The following TMEM114 variants were observed in gnomAD, a reference collection of about 807,000 sequenced individuals.
The protein encoded by TMEM114 is transmembrane protein 114.
Under a neutral mutation model 6.2 loss-of-function variants are expected in TMEM114, and 6 were observed. The observed-to-expected ratio is 0.97, with a 90% CI of 0.53 to 1.91. TMEM114 has a LOEUF of 1.91. Ranked by LOEUF, TMEM114 falls within the 40% of genes most tolerant of loss-of-function variation. The pLI is 0.01. For synonymous variants in TMEM114, 104 were observed against 73.0 expected (o/e 1.42, Z -2.16); for missense variants, 218 against 158.3 (o/e 1.38, Z -2.02).
chr16:8,565,638 A>G (rs976602030), downstream of TMEM114, among the ~76,000 whole-genome samples: 3 of 152,126 alleles, frequency 2.0e-5, no homozygotes, highest in Non-Finnish European at 4.4e-5. Flanking sequence ...TTCTCCTCTC[A>G]TCTGGCCCTG....
chr16:8,569,956 G>T lies in TMEM114; in HGVS notation c.489C>A (p.Ala163=). The change falls in exon 4 of 4, where the codon GCC becomes GCA. Residue 163 remains alanine (A), a synonymous_variant. Coordinates refer to ENST00000620492, the MANE Select transcript of TMEM114 (RefSeq NM_001146336.2). ...GISVYIAYSA[A]AFREALCLLE... ...AGAGACACAGCGCCTCCCGGAAGGC[G>T]GCGGCTGAATACGCTATGTAGACGC... The T allele has an allele frequency of 6.4e-7, 1 of 1,550,994 alleles. No individual in the cohort carries two copies. The highest frequency in any genetic ancestry group is 2.0e-5 in the Admixed American group (1 of 50,998).
chr16:8,561,119 T>A (rs1901185625), intron 2 of TMEM114, among the ~76,000 whole-genome samples: 1 of 152,156 alleles, frequency 6.6e-6, no homozygotes, highest in Non-Finnish European at 1.5e-5. Flanking sequence ...CCTCCTGGAA[T>A]TCTGGGAACT....
chr16:8,556,802 C>A (rs922571541), intron 2 of TMEM114, among the ~76,000 whole-genome samples: 3 of 152,142 alleles, frequency 2.0e-5, no homozygotes, highest in African/African-American at 7.2e-5. Context: ...CGCGCCTGAC[C>A]CGTGTGCACT....
intron 2 of TMEM114, among the ~76,000 whole-genome samples, chr16:8,543,532 C>G (rs1900577225): frequency 6.6e-6 from 1 of 151,960 alleles, no homozygotes; most frequent in Non-Finnish European, 1.5e-5. Context: ...GATGTTCTAT[C>G]TACTAGGACA....
chr16:8,561,063 G>C (rs895643940), intron 2 of TMEM114, among the ~76,000 whole-genome samples: 1 of 152,204 alleles, frequency 6.6e-6, no homozygotes, highest in South Asian at 2.1e-4. Flanking sequence ...CACGAGAACA[G>C]TATGGGGGAA....
chr16:8,589,779 A>C lies in TMEM114; in HGVS notation c.60T>G (p.Phe20Leu). ...TGCCGATGGCGGCCGCCAGGAGCAC[A>C]AAGCTGAGCGCCCCGGTCAGCGCAG... The part of the protein sequence containing the change: ...GAAALTGALS[F>L]VLLAAAIGTD... Residue 20 changes from phenylalanine to leucine, a missense_variant, in exon 1 of 4, where the codon TTT (phenylalanine) becomes TTG (leucine). Physicochemically the swap from Phe to Leu is conservative, Grantham distance 22. Transcript: ENST00000620492. The C allele has an allele frequency of 7.5e-6, 3 of 398,526 alleles. No homozygotes were observed. The highest frequency in any genetic ancestry group is 1.3e-5 in the Non-Finnish European group (3 of 226,066). The allele number at this position is 398,526 out of a possible 1,614,324, so 24.7% of individuals were successfully genotyped here. A position where few individuals can be genotyped will look rare whatever the true frequency, so the allele number is the denominator to read the frequency against.
intron 2 of TMEM114, among the ~76,000 whole-genome samples, chr16:8,541,297 CTCAGAGCATCATACAATTTG>C (rs2141649179): frequency 6.6e-6 from 1 of 152,254 alleles, no homozygotes; most frequent in East Asian, 1.9e-4. Context: ...CAGTCCTGGA[CTCAGAGCATCATACAATTTG>C]TCATACAAAT....
intron 2 of TMEM114, among the ~76,000 whole-genome samples, chr16:8,562,887 A>T (rs1435521290): frequency 2.7e-5 from 4 of 150,314 alleles, no homozygotes; most frequent in Non-Finnish European, 5.9e-5. Flanking sequence ...TGAGGGAGGG[A>T]GGGAATGAGT....
downstream of TMEM114, among the ~76,000 whole-genome samples, chr16:8,565,530 C>T (rs549293925): frequency 9.2e-5 from 14 of 152,256 alleles, no homozygotes; most frequent in African/African-American, 2.9e-4. Context: ...CCACTTCCTC[C>T]TCCTGTTTAC....
chr16:8,550,471 G>C (rs1478219930), intron 2 of TMEM114, among the ~76,000 whole-genome samples: 1 of 152,038 alleles, frequency 6.6e-6, no homozygotes, highest in African/African-American at 2.4e-5. Flanking sequence ...ATGAGGTCAG[G>C]AGTTTGAGAG....
At chr16:8,527,377 C>T in the TMEM114 span, among the ~76,000 whole-genome samples, 2 of 152,168 alleles carry the variant, frequency 1.3e-5, no homozygotes, top group East Asian at 3.8e-4. Context: ...CAAATCCTGC[C>T]TCTGCCTGTT....
At chr16:8,541,144 A>G (rs571601241) in intron 2 of TMEM114, among the ~76,000 whole-genome samples, 1 of 152,308 alleles carries the variant, frequency 6.6e-6, no homozygotes, top group African/African-American at 2.4e-5. Flanking sequence ...TATGCCAGGC[A>G]TATTATATCA....
chr16:8,561,234 T>G (rs1316778968), intron 2 of TMEM114, among the ~76,000 whole-genome samples: 1 of 152,236 alleles, frequency 6.6e-6, no homozygotes, highest in Non-Finnish European at 1.5e-5. Context: ...TTCCCTTGCC[T>G]ATAGCACAGT....
chr16:8,538,287 T>A (rs1284987370), intron 2 of TMEM114, among the ~76,000 whole-genome samples: 2 of 150,436 alleles, frequency 1.3e-5, no homozygotes, highest in East Asian at 3.9e-4. Flanking sequence ...AGATGATGTC[T>A]CAAAAATAAA....
Position 8,562,516 on chromosome 16 carries a change from A to ATGAGTGAATGAG in TMEM114, n.213-24691_213-24690insCTCATTCACTCA, listed in dbSNP as rs1416908274. Among the ~76,000 whole-genome samples, 80 of 27,222 alleles carry ATGAGTGAATGAG rather than the reference A, an allele frequency of 2.9e-3. 3 individuals carry two copies. Among genetic ancestry groups the ATGAGTGAATGAG allele is most frequent in the African/African-American group, 0.013 (76 of 5,858 alleles). 17.9% of individuals were successfully genotyped at this position (27,222 alleles called of 152,430 possible). On this transcript the variant is annotated intron_variant and non_coding_transcript_variant, in intron 2 of 2. Transcript: ENST00000623677. ...TGTGAATGAGTAAATGAGTGACTGA[A>ATGAGTGAATGAG]TGAGTGAGTTAATGAGTGAGTGAGT...
intron 2 of TMEM114, among the ~76,000 whole-genome samples, chr16:8,550,730 A>C (rs1176332576): frequency 6.6e-6 from 1 of 150,556 alleles, no homozygotes; most frequent in Non-Finnish European, 1.5e-5. Flanking sequence ...ACAAACAAAC[A>C]CTGGTCCCTC....
downstream of TMEM114, among the ~76,000 whole-genome samples, chr16:8,535,313 A>T (rs1596462707): frequency 6.6e-6 from 1 of 152,142 alleles, no homozygotes; most frequent in Admixed American, 6.5e-5. Flanking sequence ...TATTACTTTG[A>T]TTCCTCTAGC....
At chr16:8,533,418 G>C (rs923000045), downstream of TMEM114, among the ~76,000 whole-genome samples, 1 of 152,218 alleles carries the variant, frequency 6.6e-6, no homozygotes, top group South Asian at 2.1e-4. Context: ...ATGGGCCAAG[G>C]CCTGTGTGGA....
At chr16:8,527,276 C>G in the TMEM114 span, among the ~76,000 whole-genome samples, 7 of 152,140 alleles carry the variant, frequency 4.6e-5, no homozygotes, top group Non-Finnish European at 1.0e-4. Flanking sequence ...AGCAACTAAG[C>G]TCATGAAGCC....
Sources: gnomAD v4.1 joint callset for allele counts (sites outside exome capture counted in the v4.1 genomes callset) on GRCh38, gnomAD v4.1.1 for gene constraint, MANE v1.5 for transcripts, NCBI Gene and HGNC (gene_info 2026-07-23, HGNC 2026-07-21) for gene names.